RAB5A: variants seen among roughly 807,000 people sequenced by gnomAD.
RAB5A encodes RAB5A, member RAS oncogene family.
Under a neutral mutation model 25.7 loss-of-function variants are expected in RAB5A, and 8 were observed. The observed-to-expected ratio is 0.31, with a 90% CI of 0.18 to 0.56. The LOEUF (loss-of-function observed/expected upper bound fraction) is 0.56, where lower values mean the gene tolerates loss of function less well. Ranked by LOEUF, RAB5A falls within the 20% of genes least tolerant of loss-of-function variation. RAB5A has a pLI of 0.91. For missense variants in RAB5A, 192 were observed against 259.7 expected, an observed-to-expected ratio of 0.74 and a Z score of 1.79; for synonymous variants, 98 against 89.8, an observed-to-expected ratio of 1.09 and a Z score of -0.52.
chr3:19,958,910 A>G (rs1292920284), intron 2 of RAB5A, among the ~76,000 whole-genome samples: 2 of 152,116 alleles, frequency 1.3e-5, no homozygotes, highest in African/African-American at 2.4e-5. Context: ...CTGCACTTCA[A>G]CCTGGGTGAC....
chr3:19,978,149 T>TA (rs767681344), intron 4 of RAB5A, among the ~76,000 whole-genome samples, 161 bp from the exon 5 acceptor site: 55 of 152,352 alleles, frequency 3.6e-4, no homozygotes, highest in African/African-American at 1.2e-3. Flanking sequence ...ACAGTGCTCT[T>TA]ACCTCTGTTG....
chr3:19,963,734 C>G (rs1225873178), intron 2 of RAB5A, among the ~76,000 whole-genome samples: 1 of 151,964 alleles, frequency 6.6e-6, no homozygotes, highest in Non-Finnish European at 1.5e-5. Flanking sequence ...AGCCTCCACC[C>G]CCTGGGCTCA....
chr3:19,984,744 CTG>C lies in RAB5A; in HGVS notation c.*923_*924del, dbSNP rs1035647077. ...GGGTACTGCATTGTAGTCTCCATAT[CTG>C]TATTACTTTTCTGTAATATTTAAGA... On this transcript the variant is annotated 3_prime_UTR_variant, in exon 6 of 6. Transcript: ENST00000273047. 34 of 153,122 alleles carry C rather than the reference CTG, an allele frequency of 2.2e-4. No individual in the cohort carries two copies. Among genetic ancestry groups the C allele is most frequent in the African/African-American group, 7.9e-4 (33 of 41,544 alleles). 9.5% of individuals were successfully genotyped at this position (153,122 alleles called of 1,614,324 possible).
chr3:19,954,485 AT>A (rs1468887314), intron 2 of RAB5A, among the ~76,000 whole-genome samples: 1 of 152,168 alleles, frequency 6.6e-6, no homozygotes, highest in African/African-American at 2.4e-5. Flanking sequence ...TTCTTCTGTA[AT>A]TTGTGTGGTT....
chr3:19,983,309 C>G (rs949533393), intron 5 of RAB5A, among the ~76,000 whole-genome samples: 7 of 132,378 alleles, frequency 5.3e-5, no homozygotes, highest in Admixed American at 1.7e-4. Flanking sequence ...GCACTCCAGC[C>G]TAGGTGAGCC....
chr3:19,975,890 T>A, intron 3 of RAB5A, 138 bp downstream of exon 3: 2 of 1,327,014 alleles, frequency 1.5e-6, no homozygotes, highest in Non-Finnish European at 2.0e-6. Flanking sequence ...TTAGAAAATC[T>A]GGTTTTAAAA....
intron 2 of RAB5A, among the ~76,000 whole-genome samples, chr3:19,973,255 T>C (rs7650521): frequency 0.98 from 148,617 of 152,266 alleles, 72,545 homozygotes; most frequent in East Asian, 1. Context: ...TACTGAGGGA[T>C]GACTATAGTT....
chr3:19,963,368 C>A (rs1696616705), intron 2 of RAB5A, among the ~76,000 whole-genome samples: 2 of 32,458 alleles, frequency 6.2e-5, no homozygotes, highest in Non-Finnish European at 1.5e-4. Flanking sequence ...AATTTCACCC[C>A]CCCCCCCCCC....
chr3:19,956,804 T>C (rs1003065551), intron 2 of RAB5A, among the ~76,000 whole-genome samples: 1 of 152,222 alleles, frequency 6.6e-6, no homozygotes, highest in African/African-American at 2.4e-5. Context: ...CTGTTAACTT[T>C]TGGCTGAATC....
Position 19,958,584 on chromosome 3 carries a change from C to T in RAB5A, c.163+7523C>T, listed in dbSNP as rs375054179. On this transcript the variant is annotated intron_variant, in intron 2 of 5. Transcript: ENST00000273047. ...GTAGGCCAGGTGTGGTGGCTCACGC[C>T]TGTAATCCCAACACTTTGGAAGGCC... Among the ~76,000 whole-genome samples the T allele has an allele frequency of 3.5e-4, 53 of 152,268 alleles. 1 individual carries two copies. Among genetic ancestry groups the T allele is most frequent in the African/African-American group, 1.2e-3 (50 of 41,540 alleles).
chr3:19,960,581 G>A (rs959987317), intron 2 of RAB5A, among the ~76,000 whole-genome samples: 7 of 152,164 alleles, frequency 4.6e-5, no homozygotes, highest in Non-Finnish European at 5.9e-5. Context: ...GAATACAGGC[G>A]TAAGCCACTT....
At chr3:19,954,989 G>T (rs1696478726) in intron 2 of RAB5A, among the ~76,000 whole-genome samples, 1 of 152,190 alleles carries the variant, frequency 6.6e-6, no homozygotes, top group Non-Finnish European at 1.5e-5. Context: ...TTGGTCTAAA[G>T]TTAGCCCAGA....
rs192582314 is a variant in RAB5A at position 19,970,160 on chromosome 3, A to C, written c.164-5441A>C. On this transcript the variant is annotated intron_variant, in intron 2 of 5. Coordinates refer to ENST00000273047, the MANE Select transcript of RAB5A (RefSeq NM_004162.5). ...TGTGATCCACCCACCTCGGCCTCCC[A>C]AAGTGCTGGGATTACAGGCGTGAGC... Among the ~76,000 whole-genome samples, 648 of 152,170 alleles carry C rather than the reference A, an allele frequency of 4.3e-3. 25 individuals carry two copies. The highest frequency in any genetic ancestry group is 0.039 in the Admixed American group (597 of 15,278).
chr3:19,983,322 G>A (rs1046212583), intron 5 of RAB5A, among the ~76,000 whole-genome samples: 5 of 141,510 alleles, frequency 3.5e-5, no homozygotes, highest in African/African-American at 1.3e-4. Flanking sequence ...GGTGAGCCTG[G>A]GTGACAGAGT....
Position 19,950,815 on chromosome 3 carries a change from C to T in RAB5A, c.-84C>T, listed in dbSNP as rs760256312. ...AATTGTTTCTTTACAGGTTTCTTTA[C>T]CTCCAGAAAGAAGAATATTGGCCCC... On this transcript the variant is annotated 5_prime_UTR_variant, in exon 2 of 6. Coordinates refer to ENST00000273047, the MANE Select transcript of RAB5A (RefSeq NM_004162.5). 7.3e-6 allele frequency: 10 copies of T among 1,364,370 alleles called. No homozygotes were observed. Among genetic ancestry groups the T allele is most frequent in the South Asian group, 4.4e-5 (3 of 68,236 alleles). The allele number at this position is 1,364,370 out of a possible 1,614,324, so 84.5% of individuals were successfully genotyped here. A position where few individuals can be genotyped will look rare whatever the true frequency, so the allele number is the denominator to read the frequency against.
intron 1 of RAB5A, among the ~76,000 whole-genome samples, chr3:19,950,170 G>T (rs375457905): frequency 1.3e-3 from 190 of 151,994 alleles, no homozygotes; most frequent in African/African-American, 4.3e-3. Flanking sequence ...TGTGTATGGT[G>T]TGCTTGAGCA....
intron 5 of RAB5A, among the ~76,000 whole-genome samples, chr3:19,979,353 G>A (rs1295843077): frequency 2.7e-5 from 4 of 148,502 alleles, no homozygotes; most frequent in South Asian, 2.1e-4. Flanking sequence ...GGACGATCTC[G>A]GCTCACTGCA....
chr3:19,958,762 G>C (rs543487801), intron 2 of RAB5A, among the ~76,000 whole-genome samples: 1 of 152,206 alleles, frequency 6.6e-6, no homozygotes, highest in South Asian at 2.1e-4. Context: ...TTCAACCTGG[G>C]AGGCAGAGGT....
In RAB5A at chr3:19,976,680, C is replaced by T. The variant is rs180829835; in HGVS notation, c.438+511C>T. ...AGCCTGGGCAACAAGAGCAAAACTC[C>T]GTCTCAAAATAAAAAAGAAAAACAG... On this transcript the variant is annotated intron_variant, in intron 4 of 5. Coordinates refer to ENST00000273047, the MANE Select transcript of RAB5A (RefSeq NM_004162.5). Among the ~76,000 whole-genome samples the T allele has an allele frequency of 4.2e-4, 64 of 152,194 alleles. No individual in the cohort carries two copies. In the East Asian group the frequency reaches 0.012, roughly 28 times the overall value.
Sources: allele counts gnomAD v4.1 joint callset (sites outside exome capture counted in the v4.1 genomes callset), GRCh38; gene constraint gnomAD v4.1.1; transcripts MANE v1.5; gene names NCBI Gene and HGNC (gene_info 2026-07-23, HGNC 2026-07-21).